Variants in PPP2R2D observed in about 807,000 individuals in gnomAD.
PPP2R2D encodes protein phosphatase 2 regulatory subunit Bdelta.
A neutral mutation model predicts 31.1 loss-of-function variants in PPP2R2D; 9 were observed. That is an observed-to-expected ratio of 0.29 (90% CI 0.17 to 0.51). The LOEUF is 0.51. Among genes scored for constraint, PPP2R2D ranks in the 20% least tolerant of loss-of-function variants. The pLI is 0.98. For missense variants in PPP2R2D, 391 were observed against 465.6 expected (o/e 0.84, Z 1.48); for synonymous variants, 179 against 172.6 (o/e 1.04, Z -0.29).
At chr10:131,934,215 C>G (rs916865410) in intron 2 of PPP2R2D, among the ~76,000 whole-genome samples, 1 of 152,080 alleles carries the variant, frequency 6.6e-6, no homozygotes, top group Non-Finnish European at 1.5e-5. Flanking sequence ...AATCCTGGTG[C>G]TCCAGGGGCC....
intron 2 of PPP2R2D, among the ~76,000 whole-genome samples, chr10:131,909,002 C>T (rs910377635): frequency 6.6e-6 from 1 of 152,178 alleles, no homozygotes; most frequent in African/African-American, 2.4e-5. Flanking sequence ...GGTCCTTGCA[C>T]CATGGCTGGA....
chr10:131,927,738 T>C (rs555316726), intron 2 of PPP2R2D, among the ~76,000 whole-genome samples: 1 of 152,228 alleles, frequency 6.6e-6, no homozygotes, highest in Non-Finnish European at 1.5e-5. Context: ...CTAAGTCCTC[T>C]GCAGTGTTTG....
At chr10:131,921,281 G>T (rs782045581) in intron 2 of PPP2R2D, among the ~76,000 whole-genome samples, 3 of 152,214 alleles carry the variant, frequency 2.0e-5, no homozygotes, top group Admixed American at 2.0e-4. Flanking sequence ...TGCAGGGAGT[G>T]ACCGGGGGAA....
intron 8 of PPP2R2D, among the ~76,000 whole-genome samples, chr10:131,950,742 C>T (rs189959024): frequency 3.3e-5 from 5 of 152,224 alleles, no homozygotes; most frequent in Admixed American, 6.5e-5. Context: ...GCCACCTGGA[C>T]GGCCTTAGTT....
downstream of PPP2R2D, among the ~76,000 whole-genome samples, chr10:131,963,752 T>TA (rs782174122): frequency 5.3e-5 from 8 of 152,246 alleles, no homozygotes; most frequent in Non-Finnish European, 1.0e-4. Flanking sequence ...ATCTTCTATT[T>TA]ATTTTCCTTC....
chr10:131,967,375 G>A, the PPP2R2D span: 7 of 152,200 alleles, frequency 4.6e-5, no homozygotes, highest in East Asian at 1.9e-4. Context: ...CTTGACCATC[G>A]TGCTTCGATG....
intron 5 of PPP2R2D, among the ~76,000 whole-genome samples, chr10:131,941,412 G>A (rs1207726838): frequency 3.3e-5 from 5 of 152,088 alleles, no homozygotes; most frequent in Middle Eastern, 3.2e-3. Context: ...AACTGGGCTC[G>A]AGCCCAGGTG....
At position 131,956,619 on chromosome 10, in the gene PPP2R2D, T is replaced by G; in HGVS notation, c.*656T>G. The G allele has an allele frequency of 2.1e-6, 2 of 946,608 alleles. No individual in the cohort carries two copies. The highest frequency in any genetic ancestry group is 2.5e-6 in the Non-Finnish European group (2 of 794,586). The allele number at this position is 946,608 out of a possible 1,614,324, so 58.6% of individuals were successfully genotyped here. ...GTTATGCAGGGTTCTTCTTTGGAAC[T>G]AACTGTTTGAGAAATGTGTGTCCTT... is the stretch of plus-strand genomic sequence containing the variant. On this transcript the variant is annotated 3_prime_UTR_variant, in exon 9 of 9. Transcript: ENST00000455566.
downstream of PPP2R2D, among the ~76,000 whole-genome samples, chr10:131,964,129 G>A (rs181445235): frequency 6.6e-6 from 1 of 152,230 alleles, no homozygotes; most frequent in East Asian, 1.9e-4. Context: ...GCAAGAACAC[G>A]GAAGAGATCT....
chr10:131,945,105 CTGAG>C lies in PPP2R2D; in HGVS notation c.656-187_656-184del, dbSNP rs2036510609. On this transcript the variant is annotated intron_variant, in intron 6 of 8. Coordinates refer to ENST00000455566, the MANE Select transcript of PPP2R2D (RefSeq NM_018461.5). The surrounding 1 kb of genome is among the most constrained non-coding windows in gnomAD (Gnocchi z 4.8). ...CCCTGGGCCGGGGCGTTGCTGTAGT[CTGAG>C]TGTGCTCATCCCAATCCCCTTACCA... Among the ~76,000 whole-genome samples, 2 of 152,304 alleles carry C rather than the reference CTGAG, an allele frequency of 1.3e-5. No homozygotes were observed. Among genetic ancestry groups the C allele is most frequent in the East Asian group, 3.9e-4 (2 of 5,184 alleles).
intron 3 of PPP2R2D, chr10:131,935,053 C>T: frequency 2.3e-6 from 1 of 441,388 alleles, no homozygotes; most frequent in Non-Finnish European, 4.6e-6. Context: ...CTTCACCTGT[C>T]TGGAGGGAAG....
intron 2 of PPP2R2D, among the ~76,000 whole-genome samples, chr10:131,911,319 T>C (rs2035679227): frequency 6.6e-6 from 1 of 152,216 alleles, no homozygotes; most frequent in Non-Finnish European, 1.5e-5. Context: ...GTCCTAAGTG[T>C]GCTGTGAGGA....
intron 2 of PPP2R2D, chr10:131,911,641 C>T (rs2035685079): frequency 1.3e-5 from 2 of 152,274 alleles, no homozygotes. Flanking sequence ...TGGCTTTGCT[C>T]ATCCGTGGAA....
intron 2 of PPP2R2D, among the ~76,000 whole-genome samples, chr10:131,931,409 G>A (rs1488982544): frequency 6.6e-5 from 10 of 152,228 alleles, no homozygotes; most frequent in East Asian, 1.9e-4. Context: ...GTGCAGTGGC[G>A]TGATCTCAGC....
chr10:131,951,986 G>C, intron 8 of PPP2R2D, among the ~76,000 whole-genome samples: 1 of 152,140 alleles, frequency 6.6e-6, no homozygotes, highest in South Asian at 2.1e-4. Context: ...GTGACTTGCT[G>C]GTGTGCAGAG....
At chr10:131,965,369 C>T in the PPP2R2D span, among the ~76,000 whole-genome samples, 1 of 152,218 alleles carries the variant, frequency 6.6e-6, no homozygotes, top group Non-Finnish European at 1.5e-5. Context: ...ACTGGCATCA[C>T]TCCCTCCTTA....
In PPP2R2D at chr10:131,944,162, G is replaced by A; in HGVS notation, c.655+17G>A. ...GAAGCTTTAGTATCCTTCCTCAGAG[G>A]GACACTGGCGTCTTCCCGAGGGTGC... On this transcript the variant is annotated intron_variant, in intron 6 of 8. Coordinates refer to ENST00000455566, the MANE Select transcript of PPP2R2D (RefSeq NM_018461.5). 6.3e-7 allele frequency: 1 copy of A among 1,594,820 alleles called. No homozygotes were observed. Among genetic ancestry groups the A allele is most frequent in the Non-Finnish European group, 8.5e-7 (1 of 1,170,638 alleles).
rs1206760117 is a variant in PPP2R2D at position 131,901,290 on chromosome 10, C to T, written c.60C>T (p.Phe20=). ...GCGGCAACGACTTCCAGTGGTGCTT[C>T]TCGCAGGTCAAGGGGGCCATCGACG... ...PAGGNDFQWC[F]SQVKGAIDED... The change falls in exon 2 of 9, where the codon TTC becomes TTT. Residue 20 remains phenylalanine (F), a synonymous_variant. Transcript: ENST00000455566. The T allele has an allele frequency of 1.3e-4, 47 of 360,598 alleles. No homozygotes were observed. Among genetic ancestry groups the T allele is most frequent in the East Asian group, 1.1e-3 (26 of 24,720 alleles). The allele number at this position is 360,598 out of a possible 1,614,324, so 22.3% of individuals were successfully genotyped here.
chr10:131,907,661 T>G (rs1229261778), intron 2 of PPP2R2D, among the ~76,000 whole-genome samples: 2 of 151,010 alleles, frequency 1.3e-5, no homozygotes, highest in Non-Finnish European at 2.9e-5. Context: ...GAGAATGGCA[T>G]GAACCCAGGA....
Sources: allele counts gnomAD v4.1 joint callset (sites outside exome capture counted in the v4.1 genomes callset), GRCh38; gene constraint gnomAD v4.1.1; non-coding constraint Gnocchi (gnomAD v3.1); transcripts MANE v1.5; gene names NCBI Gene and HGNC (gene_info 2026-07-23, HGNC 2026-07-21).